The following ASXL2 variants were observed in gnomAD, a reference collection of about 807,000 sequenced individuals.
ASXL2 encodes the protein putative Polycomb group protein ASXL2.
ASXL2 carries 23 observed loss-of-function variants against 122.0 expected under a neutral mutation model. That is an observed-to-expected ratio of 0.19 (90% CI 0.14 to 0.27). The LOEUF is 0.27. Among genes scored for constraint, ASXL2 ranks in the 10% least tolerant of loss-of-function variants. ASXL2 has a pLI of 1.00. For missense variants in ASXL2, 1,518 were observed against 1,713.8 expected, an observed-to-expected ratio of 0.89 and a Z score of 2.02; for synonymous variants, 650 against 637.0, an observed-to-expected ratio of 1.02 and a Z score of -0.31.
At chr2:25,801,553 T>C (rs967096998) in intron 4 of ASXL2, among the ~76,000 whole-genome samples, 1 of 152,240 alleles carries the variant, frequency 6.6e-6, no homozygotes, top group African/African-American at 2.4e-5. Flanking sequence ...ACAGCTTTTA[T>C]AGAGTTAGTT....
At chr2:25,773,403 C>T (rs554811503) in intron 5 of ASXL2, among the ~76,000 whole-genome samples, 14 of 152,090 alleles carry the variant, frequency 9.2e-5, no homozygotes, top group African/African-American at 4.8e-5. Context: ...CGGTGGCTCA[C>T]GCCTGTAATC....
intron 4 of ASXL2, among the ~76,000 whole-genome samples, chr2:25,802,473 T>C (rs923392279): frequency 3.9e-5 from 6 of 152,194 alleles, no homozygotes; most frequent in African/African-American, 1.2e-4. Context: ...ATAGTGTTAC[T>C]AGTAGAATCT....
At position 25,791,487 on chromosome 2, in the gene ASXL2, C is replaced by CAA. The variant is rs757850341; in HGVS notation, c.403+7896_403+7897dup. Among the ~76,000 whole-genome samples, 323 of 121,586 alleles carry CAA rather than the reference C, an allele frequency of 2.7e-3. 2 individuals carry two copies. Among genetic ancestry groups the CAA allele is most frequent in the African/African-American group, 0.01 (307 of 30,244 alleles). 79.8% of individuals were successfully genotyped at this position (121,586 alleles called of 152,430 possible). A position where few individuals can be genotyped will look rare whatever the true frequency, so the allele number is the denominator to read the frequency against. On this transcript the variant is annotated intron_variant, in intron 5 of 12. Transcript: ENST00000435504. ...GGGCGACAAGAGCAAGACTCCGTCT[C>CAA]AAAAAAAAAAAAAAAGGAACTTTGT...
intron 4 of ASXL2, 139 bp downstream of exon 4, chr2:25,806,090 T>C (rs1289472996): frequency 7.5e-6 from 4 of 533,792 alleles, no homozygotes; most frequent in East Asian, 2.9e-5. Flanking sequence ...AAAAAATGTA[T>C]TGGGTAGAGG....
intron 1 of ASXL2, among the ~76,000 whole-genome samples, chr2:25,846,259 G>A (rs555094958): frequency 2.5e-4 from 38 of 152,108 alleles, no homozygotes; most frequent in Non-Finnish European, 3.2e-4. Context: ...CTTTTTCTCC[G>A]CCCTTGCCCC....
intron 5 of ASXL2, among the ~76,000 whole-genome samples, chr2:25,793,542 A>G (rs1242745448): frequency 6.6e-6 from 1 of 152,204 alleles, no homozygotes; most frequent in Non-Finnish European, 1.5e-5. Flanking sequence ...ATGGGCCCCT[A>G]TGAAGTATTA....
chr2:25,834,538 C>G lies in ASXL2; in HGVS notation c.143+1000G>C, dbSNP rs116196449. ...GGTTCTTACAAATGAACTTAATGGA[C>G]TACAAATATAACTAGAGTTAAAAAG... On this transcript the variant is annotated intron_variant, in intron 3 of 12. Transcript: ENST00000435504. Among the ~76,000 whole-genome samples, 1,149 of 152,248 alleles carry G rather than the reference C, an allele frequency of 7.5e-3. 5 individuals are homozygous for G. The highest frequency in any genetic ancestry group is 0.013 in the Non-Finnish European group (885 of 68,026).
intron 12 of ASXL2, among the ~76,000 whole-genome samples, 153 bp downstream of exon 12, chr2:25,749,543 T>G (rs1283636922): frequency 1.3e-5 from 2 of 152,218 alleles, no homozygotes; most frequent in Non-Finnish European, 2.9e-5. Context: ...ATCTATCATT[T>G]TATTTGTGTA....
chr2:25,740,051 C>T lies in ASXL2; in HGVS notation c.*1978G>A. ...CTTGGCTTGAAAATATACTCCTTAT[C>T]CCCAATCCTTGCAGCCTTCTTATCT... On this transcript the variant is annotated 3_prime_UTR_variant, in exon 13 of 13. Coordinates refer to ENST00000435504, the MANE Select transcript of ASXL2 (RefSeq NM_018263.6). 1 of 226,576 alleles carries T rather than the reference C, an allele frequency of 4.4e-6. No homozygotes were observed. Among genetic ancestry groups the T allele is most frequent in the Non-Finnish European group, 8.8e-6 (1 of 113,898 alleles). 14.0% of individuals were successfully genotyped at this position (226,576 alleles called of 1,614,324 possible).
intron 3 of ASXL2, among the ~76,000 whole-genome samples, chr2:25,834,766 C>T (rs796626111): frequency 3.8e-4 from 58 of 152,212 alleles, no homozygotes; most frequent in African/African-American, 1.3e-3. Context: ...GTAAAGGATC[C>T]AGACTGATTT....
At chr2:25,819,896 T>C (rs1253241932) in intron 3 of ASXL2, among the ~76,000 whole-genome samples, 3 of 152,178 alleles carry the variant, frequency 2.0e-5, no homozygotes, top group African/African-American at 4.8e-5. Flanking sequence ...GTTTGCTTGC[T>C]TGACTGACTT....
At chr2:25,823,186 G>T (rs2089332684) in intron 3 of ASXL2, among the ~76,000 whole-genome samples, 1 of 152,124 alleles carries the variant, frequency 6.6e-6, no homozygotes, top group African/African-American at 2.4e-5. Context: ...ACATTTCCTA[G>T]ATTTTCATGA....
At chr2:25,805,516 T>G (rs2089068499) in intron 4 of ASXL2, among the ~76,000 whole-genome samples, 1 of 150,242 alleles carries the variant, frequency 6.7e-6, no homozygotes, top group Non-Finnish European at 1.5e-5. Flanking sequence ...TAAAAAATTA[T>G]TAAATGGTAT....
intron 1 of ASXL2, among the ~76,000 whole-genome samples, chr2:25,875,677 G>A (rs1160171812): frequency 6.6e-6 from 1 of 151,966 alleles, no homozygotes; most frequent in Non-Finnish European, 1.5e-5. Flanking sequence ...TATTTTAATA[G>A]TACTCTCTAA....
intron 5 of ASXL2, among the ~76,000 whole-genome samples, chr2:25,774,529 G>A (rs768692034): frequency 3.3e-5 from 5 of 151,952 alleles, no homozygotes; most frequent in Non-Finnish European, 7.4e-5. Flanking sequence ...AGGCTGTTTT[G>A]AATTTATATG....
At chr2:25,846,689 G>A (rs34205247) in intron 1 of ASXL2, among the ~76,000 whole-genome samples, 58,629 of 151,882 alleles carry the variant, frequency 0.39, 13,048 homozygotes, top group Non-Finnish European at 0.51. Flanking sequence ...GGTGGTGCTC[G>A]CCTATAATTT....
intron 5 of ASXL2, among the ~76,000 whole-genome samples, chr2:25,789,215 T>C (rs988237611): frequency 2.0e-5 from 3 of 151,936 alleles, no homozygotes; most frequent in African/African-American, 7.3e-5. Flanking sequence ...TGGGTTTTTC[T>C]GAGCTCCCTT....
At chr2:25,867,234 T>A (rs965745008) in intron 1 of ASXL2, among the ~76,000 whole-genome samples, 1 of 151,580 alleles carries the variant, frequency 6.6e-6, no homozygotes, top group Non-Finnish European at 1.5e-5. Flanking sequence ...ACAGGTTCTA[T>A]CTAAAAAAAA....
intron 3 of ASXL2, chr2:25,822,947 G>C: frequency 1.9e-6 from 1 of 526,464 alleles, no homozygotes; most frequent in Non-Finnish European, 3.8e-6. Context: ...CAGATCGGGA[G>C]TAAGGAATAC....
Sources: allele counts gnomAD v4.1 joint callset (sites outside exome capture counted in the v4.1 genomes callset), GRCh38; gene constraint gnomAD v4.1.1; transcripts MANE v1.5; gene names NCBI Gene and HGNC (gene_info 2026-07-23, HGNC 2026-07-21).